Variants in MRPS27 observed in about 807,000 individuals in gnomAD.
MRPS27 encodes the protein small ribosomal subunit protein mS27.
MRPS27 carries 43 observed loss-of-function variants against 48.9 expected under a neutral mutation model. The ratio of observed to expected loss-of-function variants is 0.88; its 90% confidence interval spans 0.69 to 1.13. The LOEUF is 1.13. Among genes scored for constraint, MRPS27 ranks in the 50% most tolerant of loss-of-function variants. The probability of loss-of-function intolerance (pLI) is 0.00; values close to 1 mark genes in which losing one functional copy is unlikely to be tolerated. For missense variants in MRPS27, 467 were observed against 476.3 expected (o/e 0.98, Z 0.18); for synonymous variants, 188 against 171.9 (o/e 1.09, Z -0.73).
intron 1 of MRPS27, among the ~76,000 whole-genome samples, chr5:72,319,125 G>A (rs1421192102): frequency 6.6e-6 from 1 of 152,194 alleles, no homozygotes; most frequent in African/African-American, 2.4e-5. Context: ...GAAAAATCGA[G>A]TGTGATTATT....
At chr5:72,257,828 T>C (rs2111993914) in intron 4 of MRPS27, among the ~76,000 whole-genome samples, 1 of 152,262 alleles carries the variant, frequency 6.6e-6, no homozygotes, top group Non-Finnish European at 1.5e-5. Flanking sequence ...CTCATGCCTG[T>C]AATCCCAGCA....
intron 4 of MRPS27, among the ~76,000 whole-genome samples, chr5:72,278,361 T>A (rs1749438319): frequency 6.8e-6 from 1 of 146,978 alleles, no homozygotes; most frequent in Non-Finnish European, 1.5e-5. Context: ...GAGAATGGTG[T>A]GAACCCAGGA....
chr5:72,279,175 A>G (rs2112030459), intron 4 of MRPS27, among the ~76,000 whole-genome samples: 1 of 152,334 alleles, frequency 6.6e-6, no homozygotes, highest in Non-Finnish European at 1.5e-5. Context: ...TTTGCATCTA[A>G]TAAATGTGAA....
intron 4 of MRPS27, among the ~76,000 whole-genome samples, chr5:72,266,687 G>T (rs570595183): frequency 6.6e-6 from 1 of 151,982 alleles, no homozygotes; most frequent in African/African-American, 2.4e-5. Context: ...GTGAAACCCC[G>T]TCTCTACTAA....
At chr5:72,259,832 T>C (rs1324678550) in intron 4 of MRPS27, among the ~76,000 whole-genome samples, 1 of 152,230 alleles carries the variant, frequency 6.6e-6, no homozygotes, top group African/African-American at 2.4e-5. Flanking sequence ...CACTGTTTTT[T>C]GAGTATGTGT....
chr5:72,236,502 T>A (rs1010553705), intron 5 of MRPS27, among the ~76,000 whole-genome samples: 2 of 152,136 alleles, frequency 1.3e-5, no homozygotes, highest in African/African-American at 4.8e-5. Flanking sequence ...AGTTTTGCTA[T>A]CATAGGAATC....
intron 4 of MRPS27, among the ~76,000 whole-genome samples, chr5:72,264,895 A>G (rs1749070479): frequency 6.6e-6 from 1 of 152,192 alleles, no homozygotes. Context: ...AGGAAACTAA[A>G]AAATAATGGA....
chr5:72,285,061 G>T lies in MRPS27; in HGVS notation c.281+10470C>A, dbSNP rs56389225. On this transcript the variant is annotated intron_variant, in intron 4 of 10. Coordinates refer to ENST00000261413, the MANE Select transcript of MRPS27 (RefSeq NM_015084.3). Reference sequence around the variant, plus strand: ...AAGTTCTATCTATACAAGTTGTACCGATTTATATATCCACTAGCAATGTAT... The same window carrying T: ...AAGTTCTATCTATACAAGTTGTACCTATTTATATATCCACTAGCAATGTAT... Among the ~76,000 whole-genome samples, 1,327 of 152,230 alleles carry T rather than the reference G, an allele frequency of 8.7e-3. 27 individuals are homozygous for T. Among genetic ancestry groups the T allele is most frequent in the African/African-American group, 0.029 (1,207 of 41,560 alleles).
At chr5:72,300,657 A>G (rs1342310274) in intron 2 of MRPS27, among the ~76,000 whole-genome samples, 1 of 152,128 alleles carries the variant, frequency 6.6e-6, no homozygotes, top group East Asian at 1.9e-4. Flanking sequence ...TCTATAACCA[A>G]TTTGTCAATA....
chr5:72,300,375 T>G (rs1334736647), intron 2 of MRPS27, among the ~76,000 whole-genome samples: 4 of 152,252 alleles, frequency 2.6e-5, no homozygotes, highest in African/African-American at 7.2e-5. Context: ...TCTCATTCTC[T>G]GCCACGCCTT....
chr5:72,265,499 G>C (rs1482194316), intron 4 of MRPS27, among the ~76,000 whole-genome samples: 1 of 152,214 alleles, frequency 6.6e-6, no homozygotes, highest in Non-Finnish European at 1.5e-5. Context: ...TTACATTAGA[G>C]ATTAGTGATA....
chr5:72,223,786 G>A lies in MRPS27; in HGVS notation c.902C>T (p.Ser301Phe), dbSNP rs779544739. The change falls in exon 10 of 11, where the codon TCC becomes TTC. Residue 301 changes from serine to phenylalanine, a missense_variant. By Grantham distance (155) the Ser-to-Phe change is radical. Transcript: ENST00000261413. ...TSADGASEEQ[S>F]QNDEDNQGSE... ...CCCCTGGTTGTCTTCATCATTTTGG[G>A]ACTGCTCCTCTGAAGCCCCATCAGC... is the stretch of plus-strand genomic sequence containing the variant. The A allele has an allele frequency of 9.3e-6, 15 of 1,613,920 alleles. No individual in the cohort carries two copies. The highest frequency in any genetic ancestry group is 3.3e-5 in the Admixed American group (2 of 60,002).
At chr5:72,228,068 G>T (rs1463264020) in intron 8 of MRPS27, 198 bp downstream of exon 8, 6 of 570,214 alleles carry the variant, frequency 1.1e-5, no homozygotes, top group Admixed American at 3.3e-5. Context: ...CTTTGCCAGT[G>T]ATGGCAGGTT....
At chr5:72,248,525 T>A (rs973658115) in intron 4 of MRPS27, among the ~76,000 whole-genome samples, 29 of 152,092 alleles carry the variant, frequency 1.9e-4, no homozygotes, top group African/African-American at 6.8e-4. Context: ...TGTCTGAAAG[T>A]GCCAGGAGAC....
At chr5:72,238,260 A>C in intron 4 of MRPS27, 132 bp from the exon 5 acceptor site, 1 of 612,610 alleles carries the variant, frequency 1.6e-6, no homozygotes, top group Non-Finnish European at 2.9e-6. Context: ...TCAACAGTTG[A>C]TAAAAACTTG....
At chr5:72,243,825 CAA>C (rs1288614068) in intron 4 of MRPS27, among the ~76,000 whole-genome samples, 1 of 152,044 alleles carries the variant, frequency 6.6e-6, no homozygotes, top group South Asian at 2.1e-4. Context: ...AATGTACAAA[CAA>C]AAAAATTCAT....
At chr5:72,221,209 G>A (rs1747731609) in intron 10 of MRPS27, 61 bp from the exon 11 acceptor site, 2 of 1,573,050 alleles carry the variant, frequency 1.3e-6, no homozygotes, top group Admixed American at 3.6e-5. Context: ...AAGATACAAA[G>A]AGGAAAAACT....
chr5:72,270,314 T>C (rs997438886), intron 4 of MRPS27, among the ~76,000 whole-genome samples: 3 of 151,164 alleles, frequency 2.0e-5, no homozygotes, highest in East Asian at 1.9e-4. Context: ...TTAAAGGCTA[T>C]TCCTTAAATC....
intron 4 of MRPS27, among the ~76,000 whole-genome samples, chr5:72,252,724 T>C (rs1038368587): frequency 1.3e-5 from 2 of 152,196 alleles, no homozygotes; most frequent in Non-Finnish European, 2.9e-5. Context: ...GCATTTGGCA[T>C]AGCAGGAAAT....
Sources: allele counts gnomAD v4.1 joint callset (sites outside exome capture counted in the v4.1 genomes callset), GRCh38; gene constraint gnomAD v4.1.1; transcripts MANE v1.5; gene names NCBI Gene and HGNC (gene_info 2026-07-23, HGNC 2026-07-21).